SLC4A8: variants seen among roughly 807,000 people sequenced by gnomAD.
SLC4A8 encodes electroneutral sodium bicarbonate exchanger 1.
SLC4A8 carries 40 observed loss-of-function variants against 125.0 expected under a neutral mutation model. The observed-to-expected ratio is 0.32, with a 90% CI of 0.25 to 0.42. The LOEUF (loss-of-function observed/expected upper bound fraction) is 0.42, where lower values mean the gene tolerates loss of function less well. Among genes scored for constraint, SLC4A8 ranks in the 10% least tolerant of loss-of-function variants. The probability of loss-of-function intolerance (pLI) is 1.00; values close to 1 mark genes in which losing one functional copy is unlikely to be tolerated. For synonymous variants in SLC4A8, 456 were observed against 476.0 expected (o/e 0.96, Z 0.55); for missense variants, 863 against 1,355.1 (o/e 0.64, Z 5.70).
chr12:51,400,900 A>T (rs1363681643), intron 1 of SLC4A8, among the ~76,000 whole-genome samples: 1 of 148,680 alleles, frequency 6.7e-6, no homozygotes, highest in Non-Finnish European at 1.5e-5. Context: ...ATTTTTAAAC[A>T]GGGTCTCACT....
At chr12:51,400,552 T>C (rs1363796043) in intron 1 of SLC4A8, among the ~76,000 whole-genome samples, 1 of 148,970 alleles carries the variant, frequency 6.7e-6, no homozygotes, top group Non-Finnish European at 1.5e-5. Context: ...CAAAACACAC[T>C]CTCAGTTGCC....
intron 22 of SLC4A8, among the ~76,000 whole-genome samples, chr12:51,502,675 C>G (rs1937953972): frequency 6.6e-6 from 1 of 151,786 alleles, no homozygotes; most frequent in African/African-American, 2.4e-5. Flanking sequence ...GTCAGAATTA[C>G]TATTATTAAA....
intron 2 of SLC4A8, among the ~76,000 whole-genome samples, chr12:51,448,191 G>A (rs1012012687): frequency 6.6e-6 from 1 of 152,220 alleles, no homozygotes; most frequent in African/African-American, 2.4e-5. Context: ...GATCAGAGAT[G>A]TAACTAGGAG....
intron 16 of SLC4A8, among the ~76,000 whole-genome samples, chr12:51,477,702 T>A (rs1332221967): frequency 3.3e-5 from 5 of 152,232 alleles, no homozygotes; most frequent in Non-Finnish European, 7.3e-5. Context: ...ATCTCTGAGC[T>A]CTTTGCCTGA....
intron 1 of SLC4A8, among the ~76,000 whole-genome samples, chr12:51,409,508 T>C (rs1195128718): frequency 1.3e-5 from 2 of 152,200 alleles, no homozygotes; most frequent in Non-Finnish European, 2.9e-5. Context: ...TTAGGTTTTC[T>C]AGGTTTACAA....
chr12:51,408,405 A>T (rs1948533683), intron 1 of SLC4A8, among the ~76,000 whole-genome samples: 1 of 145,016 alleles, frequency 6.9e-6, no homozygotes, highest in South Asian at 2.2e-4. Context: ...AATTTTTTGT[A>T]TTTTTTTTTT....
chr12:51,474,687 G>T (rs1362734533), intron 15 of SLC4A8: 1 of 633,126 alleles, frequency 1.6e-6, no homozygotes, highest in Non-Finnish European at 2.6e-6. Flanking sequence ...CTGCACTAAG[G>T]ATAGGTGGGG....
chr12:51,413,104 G>T (rs187902301), intron 1 of SLC4A8, among the ~76,000 whole-genome samples: 134 of 152,256 alleles, frequency 8.8e-4, no homozygotes, highest in African/African-American at 2.9e-3. Context: ...TTTGTTAATA[G>T]CCATCCTGGC....
chr12:51,508,996 C>A lies in SLC4A8; in HGVS notation c.*1558C>A, dbSNP rs1311546037. ...TGTTAAAGGAATCCTTCATTTATTTCATATTCCCTATCTCATAGGGCCACA... is the reference window on the plus strand; with the variant it reads ...TGTTAAAGGAATCCTTCATTTATTTAATATTCCCTATCTCATAGGGCCACA... On this transcript the variant is annotated 3_prime_UTR_variant, in exon 25 of 25. Coordinates refer to ENST00000453097, the MANE Select transcript of SLC4A8 (RefSeq NM_001039960.3). The A allele has an allele frequency of 6.6e-6, 1 of 152,626 alleles. No homozygotes were observed. The highest frequency in any genetic ancestry group is 1.5e-5 in the Non-Finnish European group (1 of 68,046). The allele number at this position is 152,626 out of a possible 1,614,324, so 9.5% of individuals were successfully genotyped here. A position where few individuals can be genotyped will look rare whatever the true frequency, so the allele number is the denominator to read the frequency against.
At chr12:51,479,618 G>A (rs1399058254) in intron 16 of SLC4A8, among the ~76,000 whole-genome samples, 1 of 151,320 alleles carries the variant, frequency 6.6e-6, no homozygotes, top group African/African-American at 2.4e-5. Context: ...AGGAGGTGGA[G>A]GTTGCAGTGA....
intron 1 of SLC4A8, chr12:51,425,372 C>T: frequency 8.7e-7 from 1 of 1,146,976 alleles, no homozygotes; most frequent in East Asian, 5.0e-5. Context: ...TCGCGTTGTC[C>T]TGCCAGAACG....
rs116095823 is a variant in SLC4A8 at position 51,447,647 on chromosome 12, G to A, written c.131-3229G>A. Among the ~76,000 whole-genome samples, 1,327 of 152,004 alleles carry A rather than the reference G, an allele frequency of 8.7e-3. 16 individuals are homozygous for A. The highest frequency in any genetic ancestry group is 0.03 in the African/African-American group (1,259 of 41,438). On this transcript the variant is annotated intron_variant, in intron 2 of 24. Transcript: ENST00000453097. ...GGCCATTTGGTTGCTGAGGTACATG[G>A]CAGTTATACATCTCTAGATATTTCC...
intron 8 of SLC4A8, 145 bp downstream of exon 8, chr12:51,460,253 G>A: frequency 1.3e-6 from 1 of 742,746 alleles, no homozygotes; most frequent in Non-Finnish European, 2.3e-6. Context: ...CAGATGTGCT[G>A]GTGTGTGCCT....
intron 2 of SLC4A8, 161 bp from the exon 3 acceptor site, chr12:51,450,715 A>C (rs76897219): frequency 2.8e-6 from 2 of 719,056 alleles, no homozygotes; most frequent in Admixed American, 5.6e-5. Context: ...CAAAATCTCT[A>C]TATCTTTACT....
intron 17 of SLC4A8, among the ~76,000 whole-genome samples, chr12:51,486,739 C>T (rs4761975): frequency 0.54 from 81,854 of 152,050 alleles, 22,165 homozygotes; most frequent in African/African-American, 0.57. Flanking sequence ...CCCTGACTTG[C>T]AAATGCTCCC....
In SLC4A8 at chr12:51,425,029, C is replaced by G. The variant is rs1322753316; in HGVS notation, c.42C>G (p.Ser14Arg). Reference sequence around the variant, plus strand: ...GTAACGAGCCGGACGGCGTCCTCAGCTATCAGGTAGGGCCCCGCCTCCCGC... The same window carrying G: ...GTAACGAGCCGGACGGCGTCCTCAGGTATCAGGTAGGGCCCCGCCTCCCGC... Reference protein sequence around the residue: ...AGSNEPDGVLSYQRPDEEAVV... With the variant: ...AGSNEPDGVLRYQRPDEEAVV... Residue 14 changes from serine (S) to arginine (R), a missense_variant, in exon 1 of 25, where the codon AGC becomes AGG. Ser to Arg is a moderately radical substitution (Grantham distance 110). This residue lies in a region of SLC4A8 where 104 missense variants were observed against 116.4 expected (regional missense o/e 0.89). Transcript: ENST00000453097. The G allele has an allele frequency of 2.6e-6, 4 of 1,557,022 alleles. No homozygotes were observed. Among genetic ancestry groups the G allele is most frequent in the Admixed American group, 1.9e-5 (1 of 52,362 alleles).
chr12:51,413,286 T>C (rs2137975930), intron 1 of SLC4A8, among the ~76,000 whole-genome samples: 1 of 152,354 alleles, frequency 6.6e-6, no homozygotes, highest in South Asian at 2.1e-4. Flanking sequence ...TATTTTGCTG[T>C]TGAGTTCTTT....
At chr12:51,403,293 A>G in intron 1 of SLC4A8, 1 of 453,980 alleles carries the variant, frequency 2.2e-6, no homozygotes, top group Non-Finnish European at 4.4e-6. Context: ...CCAACATGTG[A>G]GTTTCTTGAT....
chr12:51,414,477 G>GTAGT (rs1355718603), intron 1 of SLC4A8, among the ~76,000 whole-genome samples: 2 of 152,188 alleles, frequency 1.3e-5, no homozygotes, highest in African/African-American at 4.8e-5. Context: ...TGGGCCGGAT[G>GTAGT]TAGTGGCTTA....
Sources: allele counts gnomAD v4.1 joint callset (sites outside exome capture counted in the v4.1 genomes callset), GRCh38; gene constraint gnomAD v4.1.1; regional missense constraint gnomAD v4.1.1; transcripts MANE v1.5; gene names NCBI Gene and HGNC (gene_info 2026-07-23, HGNC 2026-07-21).